Variants in SLC16A1 observed in about 807,000 individuals in gnomAD.
SLC16A1 encodes the protein monocarboxylate transporter 1.
In SLC16A1, 11 loss-of-function variants were observed where a neutral mutation model predicts 32.2. The observed-to-expected ratio is 0.34, with a 90% CI of 0.21 to 0.56. The LOEUF (loss-of-function observed/expected upper bound fraction) is 0.56, where lower values mean the gene tolerates loss of function less well. Among genes scored for constraint, SLC16A1 ranks in the 20% least tolerant of loss-of-function variants. The pLI is 0.87. For missense variants in SLC16A1, 435 were observed against 615.0 expected, an observed-to-expected ratio of 0.71 and a Z score of 3.10; for synonymous variants, 231 against 226.8, an observed-to-expected ratio of 1.02 and a Z score of -0.17.
intron 2 of SLC16A1, among the ~76,000 whole-genome samples, chr1:112,928,056 A>C (rs1649000612): frequency 6.6e-6 from 1 of 152,116 alleles, no homozygotes; most frequent in African/African-American, 2.4e-5. Flanking sequence ...AAAAAAAAAC[A>C]CTACAATTAA....
At chr1:112,924,613 G>A (rs1648870425) in intron 2 of SLC16A1, among the ~76,000 whole-genome samples, 1 of 152,022 alleles carries the variant, frequency 6.6e-6, no homozygotes, top group Admixed American at 6.6e-5. Flanking sequence ...AAAGAAAAAA[G>A]ACAAAAATGC....
At chr1:112,940,205 TTTTTGTATG>T (rs1393938502) in intron 1 of SLC16A1, among the ~76,000 whole-genome samples, 3 of 151,930 alleles carry the variant, frequency 2.0e-5, no homozygotes, top group South Asian at 4.2e-4. Context: ...GCCTGGCTAA[TTTTTGTATG>T]TTTTGTAGAG....
In SLC16A1 at chr1:112,933,634, A is replaced by G. The variant is rs1419808531; in HGVS notation, c.-44-4282T>C. On this transcript the variant is annotated intron_variant, in intron 1 of 4. Transcript: ENST00000369626. The stretch of plus-strand genomic sequence containing the variant: ...CAGGTGCTTCACCAAAGATACATGA[A>G]TGATAAACAAGCACATGTAAAGATG... Among the ~76,000 whole-genome samples, 5 of 152,206 alleles carry G rather than the reference A, an allele frequency of 3.3e-5. No homozygotes were observed. The East Asian group carries it at 9.6e-4, about 29-fold the overall frequency.
At chr1:112,938,167 A>C (rs1649374507) in intron 1 of SLC16A1, among the ~76,000 whole-genome samples, 1 of 152,382 alleles carries the variant, frequency 6.6e-6, no homozygotes, top group Non-Finnish European at 1.5e-5. Flanking sequence ...ACTTAAAAGA[A>C]GCAGAAAGTA....
At position 112,944,532 on chromosome 1, in the gene SLC16A1, G is replaced by T. The variant is rs148060678; in HGVS notation, c.-45+11503C>A. On this transcript the variant is annotated intron_variant, in intron 1 of 4. Transcript: ENST00000369626. ...TATAGAAAAATTAAAAGATATGTGT[G>T]AATAGAAAATAAAATTTACCTGTCA... Among the ~76,000 whole-genome samples the T allele has an allele frequency of 1.1e-4, 16 of 152,224 alleles. No individual in the cohort carries two copies. In the East Asian group the frequency reaches 2.9e-3, roughly 28 times the overall value.
At chr1:112,937,102 A>C (rs779816443) in intron 1 of SLC16A1, among the ~76,000 whole-genome samples, 19 of 152,354 alleles carry the variant, frequency 1.2e-4, no homozygotes, top group Non-Finnish European at 1.8e-4. Flanking sequence ...ACACTTAAAA[A>C]ATTTCAAAGA....
chr1:112,928,298 C>T (rs1287118091), intron 2 of SLC16A1, among the ~76,000 whole-genome samples: 2 of 152,150 alleles, frequency 1.3e-5, no homozygotes, highest in African/African-American at 4.8e-5. Flanking sequence ...ATTACTGTCT[C>T]AAAAGGATTA....
At chr1:112,955,847 A>C (rs987055947) in intron 1 of SLC16A1, 188 bp downstream of exon 1, 2 of 152,028 alleles carry the variant, frequency 1.3e-5, no homozygotes, top group Non-Finnish European at 2.9e-5. Context: ...CCAGCGCCTC[A>C]AGGTCTCCTT....
chr1:112,934,315 G>A (rs1192541971), intron 1 of SLC16A1, among the ~76,000 whole-genome samples: 1 of 151,968 alleles, frequency 6.6e-6, no homozygotes, highest in Non-Finnish European at 1.5e-5. Flanking sequence ...TCCAAAATCT[G>A]AAAAAATCTG....
rs1650085898 is a variant in SLC16A1, at chr1:112,956,052, G to C, written c.-62C>G. ...CAACTAACCGTTATATGCGCGGATC[G>C]CAGCGCCGAGCGTGTGCGTGACGTG... On this transcript the variant is annotated 5_prime_UTR_variant, in exon 1 of 5. Transcript: ENST00000369626. 1 of 152,208 alleles carries C rather than the reference G, an allele frequency of 6.6e-6. No individual in the cohort carries two copies. The highest frequency in any genetic ancestry group is 2.1e-4 in the South Asian group (1 of 4,836). 9.4% of individuals were successfully genotyped at this position (152,208 alleles called of 1,614,324 possible). A position where few individuals can be genotyped will look rare whatever the true frequency, so the allele number is the denominator to read the frequency against.
At chr1:112,949,161 T>C (rs1259125120) in intron 1 of SLC16A1, among the ~76,000 whole-genome samples, 1 of 151,488 alleles carries the variant, frequency 6.6e-6, no homozygotes, top group Non-Finnish European at 1.5e-5. Context: ...GCGATTCTCC[T>C]GCCTCAGCCT....
At chr1:112,922,886 T>C (rs950998205) in intron 2 of SLC16A1, among the ~76,000 whole-genome samples, 3 of 152,216 alleles carry the variant, frequency 2.0e-5, no homozygotes, top group Non-Finnish European at 4.4e-5. Flanking sequence ...TTTAGAGTAC[T>C]TGTATATTAT....
intron 2 of SLC16A1, among the ~76,000 whole-genome samples, chr1:112,926,918 T>TAA (rs60711635): frequency 2.9e-3 from 418 of 145,554 alleles, no homozygotes; most frequent in African/African-American, 6.5e-3. Context: ...TAAAAAAACT[T>TAA]AAAAAAAAAA....
chr1:112,930,071 C>T (rs1294035412), intron 1 of SLC16A1, among the ~76,000 whole-genome samples: 1 of 152,118 alleles, frequency 6.6e-6, no homozygotes, highest in African/African-American at 2.4e-5. Flanking sequence ...TAAGCGTTTC[C>T]CTGAGTTCTG....
At chr1:112,915,733 T>C (rs775082705) in intron 4 of SLC16A1, among the ~76,000 whole-genome samples, 1 of 150,182 alleles carries the variant, frequency 6.7e-6, no homozygotes, top group Non-Finnish European at 1.5e-5. Flanking sequence ...ATTTAGAGCA[T>C]AAAAACTCAT....
At chr1:112,946,595 C>G (rs1036626738) in intron 1 of SLC16A1, among the ~76,000 whole-genome samples, 1 of 152,160 alleles carries the variant, frequency 6.6e-6, no homozygotes, top group Admixed American at 6.6e-5. Context: ...GCTCTGTCGC[C>G]CAGGCTGTAG....
intron 1 of SLC16A1, among the ~76,000 whole-genome samples, chr1:112,954,946 C>T (rs113724983): frequency 6.6e-6 from 1 of 152,174 alleles, no homozygotes; most frequent in African/African-American, 2.4e-5. Context: ...TGCATCACCT[C>T]ACTGGGCTGG....
At chr1:112,919,901 T>TATAG (rs1222480145) in intron 3 of SLC16A1, among the ~76,000 whole-genome samples, 1 of 152,212 alleles carries the variant, frequency 6.6e-6, no homozygotes, top group Non-Finnish European at 1.5e-5. Flanking sequence ...AAAGGCTTTA[T>TATAG]ATAGCATTTA....
intron 3 of SLC16A1, among the ~76,000 whole-genome samples, chr1:112,919,671 T>A (rs1253737414): frequency 6.6e-6 from 1 of 152,176 alleles, no homozygotes; most frequent in Non-Finnish European, 1.5e-5. Flanking sequence ...GAGAAATTAT[T>A]CAATAAATAG....
Sources: allele counts gnomAD v4.1 joint callset (sites outside exome capture counted in the v4.1 genomes callset), GRCh38; gene constraint gnomAD v4.1.1; transcripts MANE v1.5; gene names NCBI Gene and HGNC (gene_info 2026-07-23, HGNC 2026-07-21).